Variants in HGSNAT observed in about 807,000 individuals in gnomAD.
HGSNAT encodes heparan-alpha-glucosaminide N-acetyltransferase.
Under a neutral mutation model 85.2 loss-of-function variants are expected in HGSNAT, and 59 were observed. That is an observed-to-expected ratio of 0.69 (90% CI 0.56 to 0.86). The LOEUF (loss-of-function observed/expected upper bound fraction) is 0.86. Among genes scored for constraint, HGSNAT ranks in the 40% least tolerant of loss-of-function variants. The pLI, the probability that HGSNAT is intolerant of heterozygous loss-of-function variation, is 0.00. For synonymous variants in HGSNAT, 321 were observed against 304.5 expected (o/e 1.05, Z -0.56); for missense variants, 756 against 777.1 (o/e 0.97, Z 0.32).
intron 2 of HGSNAT, among the ~76,000 whole-genome samples, chr8:43,157,113 G>A (rs1006198107): frequency 1.3e-5 from 2 of 152,132 alleles, no homozygotes; most frequent in African/African-American, 4.8e-5. Flanking sequence ...GCACTAGAAT[G>A]GAGAAATATT....
intron 17 of HGSNAT, among the ~76,000 whole-genome samples, chr8:43,198,645 G>T (rs1462010998): frequency 6.6e-6 from 1 of 152,118 alleles, no homozygotes; most frequent in Non-Finnish European, 1.5e-5. Context: ...CTACTATAGA[G>T]ATTGTGCATT....
At position 43,158,686 on chromosome 8, in the gene HGSNAT, A is replaced by G; in HGVS notation, c.346A>G (p.Thr116Ala). The G allele has an allele frequency of 6.2e-7, 1 of 1,607,052 alleles. No homozygotes were observed. The highest frequency in any genetic ancestry group is 2.2e-5 in the East Asian group (1 of 44,770). The stretch of plus-strand genomic sequence containing the variant: ...CGGATCTATCCTGCAGCTGAACGAC[A>G]CCTTGGAAGAGAAAGAAGTTTGTAG... Reference protein sequence around the residue: ...QHGSILQLNDTLEEKEVCRLE... With the variant: ...QHGSILQLNDALEEKEVCRLE... Residue 116 changes from threonine (T) to alanine (A), a missense_variant, in exon 3 of 18, where the codon ACC (threonine) becomes GCC (alanine). Transcript: ENST00000379644.
chr8:43,197,493 A>G, intron 15 of HGSNAT, 179 bp from the exon 16 acceptor site: 4 of 600,866 alleles, frequency 6.7e-6, no homozygotes, highest in East Asian at 2.8e-5. Context: ...AGATTTTGGG[A>G]GAGTATTTTT....
intron 2 of HGSNAT, among the ~76,000 whole-genome samples, chr8:43,155,404 G>A (rs1803059946): frequency 6.6e-6 from 1 of 151,984 alleles, no homozygotes; most frequent in Admixed American, 6.6e-5. Flanking sequence ...CATAATAGTT[G>A]TATATGTCTT....
intron 2 of HGSNAT, among the ~76,000 whole-genome samples, chr8:43,152,512 G>A (rs1489277492): frequency 6.6e-6 from 1 of 152,168 alleles, no homozygotes; most frequent in Non-Finnish European, 1.5e-5. Flanking sequence ...GCAGTGGTGT[G>A]TGATCATGAC....
chr8:43,198,310 C>T lies in HGSNAT; in HGVS notation c.1726+358C>T, dbSNP rs1219050050. On this transcript the variant is annotated intron_variant, in intron 17 of 17. Coordinates refer to ENST00000379644, the MANE Select transcript of HGSNAT (RefSeq NM_152419.3). ...TTTTTTTTTTTTTTTTTTTTTGAGA[C>T]AGAGTCTTGCTCTGTTGCCCAGGCT... Among the ~76,000 whole-genome samples the T allele has an allele frequency of 2.7e-5, 3 of 111,912 alleles. No homozygotes were observed. The East Asian group carries it at 8.4e-4, about 31-fold the overall frequency. The allele number at this position is 111,912 out of a possible 152,430, so 73.4% of individuals were successfully genotyped here.
intron 10 of HGSNAT, chr8:43,180,512 G>A (rs1374718149): frequency 1.0e-5 from 1 of 98,192 alleles, no homozygotes; most frequent in African/African-American, 4.0e-5. Flanking sequence ...GCCGGGCAGA[G>A]ACGCTCCTCA....
At chr8:43,151,897 A>G (rs1259811678) in intron 2 of HGSNAT, among the ~76,000 whole-genome samples, 2 of 152,208 alleles carry the variant, frequency 1.3e-5, no homozygotes, top group South Asian at 2.1e-4. Flanking sequence ...ATTAAGAGAA[A>G]TAAAGTGACA....
At chr8:43,192,729 C>A (rs1804580237) in intron 13 of HGSNAT, among the ~76,000 whole-genome samples, 1 of 151,582 alleles carries the variant, frequency 6.6e-6, no homozygotes, top group Non-Finnish European at 1.5e-5. Context: ...CTGAGACCAG[C>A]CTGTGCAATA....
intron 5 of HGSNAT, among the ~76,000 whole-genome samples, chr8:43,164,609 C>T (rs1356119705): frequency 6.6e-6 from 1 of 152,030 alleles, no homozygotes; most frequent in African/African-American, 2.4e-5. Context: ...GTGAAACCCC[C>T]ATCTCTACTA....
rs1802478986 is a variant in HGSNAT at position 43,140,527 on chromosome 8, C to G, written c.31C>G (p.Leu11Val). 1 of 1,113,424 alleles carries G rather than the reference C, an allele frequency of 9.0e-7. No homozygotes were observed. The highest frequency in any genetic ancestry group is 1.1e-6 in the Non-Finnish European group (1 of 915,066). 69.0% of individuals were successfully genotyped at this position (1,113,424 alleles called of 1,614,324 possible). ...CGGGGCGGGCAGGGCGCTGGCCGCGCTGCTGCTGGCCGCGTCCGTGCTGAG... is the reference window on the plus strand; with the variant it reads ...CGGGGCGGGCAGGGCGCTGGCCGCGGTGCTGCTGGCCGCGTCCGTGCTGAG... MSGAGRALAALLLAASVLSAA... is the reference protein window; with the variant it reads MSGAGRALAAVLLAASVLSAA... Residue 11 changes from leucine (L) to valine (V), a missense_variant, in exon 1 of 18, where the codon CTG becomes GTG. Transcript: ENST00000379644.
intron 2 of HGSNAT, among the ~76,000 whole-genome samples, chr8:43,150,821 G>A (rs190092527): frequency 4.1e-5 from 6 of 144,638 alleles, no homozygotes; most frequent in Non-Finnish European, 7.5e-5. Context: ...GTGACAGAGC[G>A]AGACTCCGTT....
chr8:43,167,761 A>G (rs944656875), intron 5 of HGSNAT, among the ~76,000 whole-genome samples: 4 of 152,146 alleles, frequency 2.6e-5, no homozygotes, highest in Admixed American at 2.0e-4. Flanking sequence ...AAAAAATCCT[A>G]TGCACTGGAT....
intron 5 of HGSNAT, among the ~76,000 whole-genome samples, chr8:43,163,099 G>T (rs57798571): frequency 0.027 from 4,051 of 152,112 alleles, 180 homozygotes; most frequent in African/African-American, 0.091. Context: ...GCACGAAAAT[G>T]GCTTGAGGTT....
At chr8:43,192,190 A>C (rs1804556698) in intron 12 of HGSNAT, 114 bp from the exon 13 acceptor site, 3 of 1,196,106 alleles carry the variant, frequency 2.5e-6, no homozygotes, top group Non-Finnish European at 3.4e-6. Context: ...GGCCTCCCAA[A>C]GTGTTGGGAT....
In HGSNAT at chr8:43,158,973, A is replaced by G. The variant is rs1289278552; in HGVS notation, c.422A>G (p.Asn141Ser). Residue 141 changes from asparagine to serine, a missense_variant, in exon 4 of 18, where the codon AAC becomes AGC. Transcript: ENST00000379644. ...GGAAACTATTCTCTCTTGGTAAAGA[A>G]CATCCATAATGGAGTTAGTGAAATT... is the stretch of plus-strand genomic sequence containing the variant. ...EFGNYSLLVKNIHNGVSEIAC... is the reference protein window; with the variant it reads ...EFGNYSLLVKSIHNGVSEIAC... 4 of 1,613,456 alleles carry G rather than the reference A, an allele frequency of 2.5e-6. No homozygotes were observed. In the South Asian group the frequency reaches 4.4e-5, roughly 18 times the overall value.
At chr8:43,157,157 G>A (rs866696854) in intron 2 of HGSNAT, among the ~76,000 whole-genome samples, 14 of 152,276 alleles carry the variant, frequency 9.2e-5, no homozygotes, top group Middle Eastern at 3.4e-3. Context: ...TATAGTATAT[G>A]AGGACATATT....
chr8:43,141,176 C>T (rs1450483370), intron 1 of HGSNAT, among the ~76,000 whole-genome samples: 1 of 152,176 alleles, frequency 6.6e-6, no homozygotes, highest in Non-Finnish European at 1.5e-5. Context: ...CGTGGATGTG[C>T]GGCGGGTGAG....
intron 11 of HGSNAT, 61 bp from the exon 12 acceptor site, chr8:43,191,413 G>A (rs1804522209): frequency 5.0e-6 from 8 of 1,587,304 alleles, no homozygotes; most frequent in Non-Finnish European, 6.9e-6. Flanking sequence ...AAAGACATGT[G>A]CTTAGTTCCC....
Sources: allele counts gnomAD v4.1 joint callset (sites outside exome capture counted in the v4.1 genomes callset), GRCh38; gene constraint gnomAD v4.1.1; transcripts MANE v1.5; gene names NCBI Gene and HGNC (gene_info 2026-07-23, HGNC 2026-07-21).